The following FAM3B variants were observed in gnomAD, a reference collection of about 807,000 sequenced individuals.
FAM3B encodes protein FAM3B.
FAM3B carries 29 observed loss-of-function variants against 28.4 expected under a neutral mutation model. That is an observed-to-expected ratio of 1.02 (90% CI 0.76 to 1.39). The LOEUF (loss-of-function observed/expected upper bound fraction) is 1.39, where lower values mean the gene tolerates loss of function less well. Ranked by LOEUF, FAM3B falls within the 40% of genes most tolerant of loss-of-function variation. The pLI, the probability that FAM3B is intolerant of heterozygous loss-of-function variation, is 0.00. For missense variants in FAM3B, 266 were observed against 293.9 expected, an observed-to-expected ratio of 0.91 and a Z score of 0.69; for synonymous variants, 91 against 103.0, an observed-to-expected ratio of 0.88 and a Z score of 0.71.
chr21:41,327,687 GT>G (rs1186120841), intron 2 of FAM3B, among the ~76,000 whole-genome samples: 1 of 152,150 alleles, frequency 6.6e-6, no homozygotes, highest in East Asian at 1.9e-4. Flanking sequence ...TCTTTGCCTC[GT>G]TTGTGGAGTC....
At chr21:41,311,193 C>A (rs1183385063) in intron 1 of FAM3B, among the ~76,000 whole-genome samples, 2 of 127,376 alleles carry the variant, frequency 1.6e-5, no homozygotes, top group East Asian at 2.4e-4. Flanking sequence ...TTACTGCATT[C>A]GAAGTTGAAA....
intron 1 of FAM3B, chr21:41,304,423 G>C (rs1568906476): frequency 2.6e-6 from 1 of 385,738 alleles, no homozygotes; most frequent in Non-Finnish European, 5.1e-6. Context: ...AGGGCCCCAG[G>C]TTGCCTGCAC....
upstream of FAM3B, chr21:41,316,722 C>A: frequency 1.8e-6 from 1 of 568,070 alleles, no homozygotes; most frequent in South Asian, 4.2e-5. Context: ...CCTGCCGGGT[C>A]CGCACCTGCC....
chr21:41,321,910 T>G (rs1291450890), intron 1 of FAM3B, among the ~76,000 whole-genome samples: 1 of 152,122 alleles, frequency 6.6e-6, no homozygotes, highest in Non-Finnish European at 1.5e-5. Context: ...CTTTCCTTTT[T>G]CCTCCTTTCC....
At chr21:41,329,407 G>C (rs1163437014) in intron 2 of FAM3B, among the ~76,000 whole-genome samples, 1 of 152,146 alleles carries the variant, frequency 6.6e-6, no homozygotes, top group African/African-American at 2.4e-5. Context: ...CGCACTCCCT[G>C]CCTATTAGTC....
Position 41,356,954 on chromosome 21 carries a change from T to G in FAM3B, c.619-154T>G, listed in dbSNP as rs954067609. On this transcript the variant is annotated intron_variant, in intron 7 of 7. Transcript: ENST00000357985. ...CATCTATTATATATTAATTTAAAAATTATTATTAAGAAATGTATTGGAAAT... is the reference window on the plus strand; with the variant it reads ...CATCTATTATATATTAATTTAAAAAGTATTATTAAGAAATGTATTGGAAAT... 3.3e-5 allele frequency among the ~76,000 whole-genome samples: 5 copies of G among 152,154 alleles called. No individual in the cohort carries two copies. The South Asian group carries it at 1.0e-3, about 32-fold the overall frequency.
At chr21:41,310,918 A>AT (rs911377952) in intron 1 of FAM3B, among the ~76,000 whole-genome samples, 3 of 152,040 alleles carry the variant, frequency 2.0e-5, no homozygotes, top group East Asian at 1.9e-4. Flanking sequence ...CATTTCACGT[A>AT]TTTTTTTAAA....
At chr21:41,322,653 C>G (rs1484098469) in intron 1 of FAM3B, 1 of 718,242 alleles carries the variant, frequency 1.4e-6, no homozygotes, top group Admixed American at 2.0e-5. Flanking sequence ...CGTTCAAGGA[C>G]GTTTGTTGGT....
chr21:41,348,741 T>A lies in FAM3B; in HGVS notation c.618+17T>A, dbSNP rs374144299. 8 of 1,614,110 alleles carry A rather than the reference T, an allele frequency of 5.0e-6. No homozygotes were observed. The Admixed American group carries it at 6.7e-5, about 13-fold the overall frequency. Reference sequence around the variant, plus strand: ...AGAGAAAAGGTGAGTGGTTTTAAAATGTCCCTTCCCACCAATGGTGAGTAT... The same window carrying A: ...AGAGAAAAGGTGAGTGGTTTTAAAAAGTCCCTTCCCACCAATGGTGAGTAT... On this transcript the variant is annotated intron_variant, in intron 7 of 7. Coordinates refer to ENST00000357985, the MANE Select transcript of FAM3B (RefSeq NM_058186.4).
chr21:41,305,399 T>G (rs2088678213), intron 1 of FAM3B, among the ~76,000 whole-genome samples: 1 of 152,122 alleles, frequency 6.6e-6, no homozygotes. Context: ...CAGAAATACG[T>G]TCTATTTTCT....
rs975369386 is a variant in FAM3B at position 41,336,453 on chromosome 21, C to T, written c.164-1925C>T. On this transcript the variant is annotated intron_variant, in intron 2 of 7. Transcript: ENST00000357985. ...AGGAGAATCGCTTGAACCTGAGAGG[C>T]GGAGGTTGCAGTGAGCTGAGATCAC... Among the ~76,000 whole-genome samples the T allele has an allele frequency of 3.9e-5, 6 of 152,194 alleles. No individual in the cohort carries two copies. The East Asian group carries it at 9.6e-4, about 24-fold the overall frequency.
chr21:41,337,627 T>A (rs1274032814), intron 2 of FAM3B, among the ~76,000 whole-genome samples: 1 of 152,110 alleles, frequency 6.6e-6, no homozygotes, highest in African/African-American at 2.4e-5. Flanking sequence ...TATGTGTGAC[T>A]GTGTGTGATA....
intron 1 of FAM3B, among the ~76,000 whole-genome samples, chr21:41,305,651 TCCA>T (rs2123681214): frequency 6.6e-6 from 1 of 152,332 alleles, no homozygotes; most frequent in African/African-American, 2.4e-5. Flanking sequence ...TCTACATTAC[TCCA>T]TTAAGTGTGA....
At chr21:41,317,852 C>T (rs1170315010) in intron 1 of FAM3B, among the ~76,000 whole-genome samples, 2 of 152,052 alleles carry the variant, frequency 1.3e-5, no homozygotes, top group East Asian at 3.9e-4. Flanking sequence ...GTAGGAAAGC[C>T]GCATTTTAAG....
intron 1 of FAM3B, among the ~76,000 whole-genome samples, chr21:41,321,429 C>T (rs536870362): frequency 2.0e-4 from 30 of 152,254 alleles, no homozygotes; most frequent in Admixed American, 1.4e-3. Context: ...GGCGCAGCTG[C>T]GGGAGAGGGG....
Position 41,348,678 on chromosome 21 carries a change from T to C in FAM3B, c.572T>C (p.Ile191Thr). The C allele has an allele frequency of 1.2e-6, 2 of 1,614,218 alleles. No individual in the cohort carries two copies. Among genetic ancestry groups the C allele is most frequent in the South Asian group, 1.1e-5 (1 of 91,082 alleles). The change falls in exon 7 of 8, where the codon ATT (isoleucine) becomes ACT (threonine). Residue 191 changes from isoleucine (I) to threonine (T), a missense_variant. Physicochemically the swap from Ile to Thr is moderately conservative, Grantham distance 89. Transcript: ENST00000357985. ...NMKFRSSWVF[I>T]AAKGLELPSE... ...AAATTCAGGTCTAGCTGGGTATTTA[T>C]TGCAGCAAAAGGCTTGGAACTCCCT...
intron 2 of FAM3B, among the ~76,000 whole-genome samples, chr21:41,325,997 T>C (rs1445462537): frequency 6.6e-6 from 1 of 152,224 alleles, no homozygotes; most frequent in Non-Finnish European, 1.5e-5. Context: ...GACTGCATCC[T>C]AGGGAATGGT....
chr21:41,305,133 T>C (rs2088676185), intron 1 of FAM3B, among the ~76,000 whole-genome samples: 1 of 152,178 alleles, frequency 6.6e-6, no homozygotes, highest in Non-Finnish European at 1.5e-5. Context: ...CTTGAACCTC[T>C]TCATCTCCTG....
At chr21:41,304,411 G>T (rs1049238793) in intron 1 of FAM3B, 2 of 410,664 alleles carry the variant, frequency 4.9e-6, no homozygotes, top group Non-Finnish European at 9.7e-6. Flanking sequence ...AGTCGCCCCC[G>T]AAGGGCCCCA....
Sources: gnomAD v4.1 joint callset for allele counts (sites outside exome capture counted in the v4.1 genomes callset) on GRCh38, gnomAD v4.1.1 for gene constraint, MANE v1.5 for transcripts, NCBI Gene and HGNC (gene_info 2026-07-23, HGNC 2026-07-21) for gene names.